The following RALGAPA2 variants were observed in gnomAD, a reference collection of about 807,000 sequenced individuals.
RALGAPA2 encodes Ral GTPase activating protein catalytic subunit alpha 2.
In RALGAPA2, 139 loss-of-function variants were observed where a neutral mutation model predicts 230.4. The observed-to-expected ratio is 0.60, with a 90% CI of 0.53 to 0.69. RALGAPA2 has a LOEUF of 0.69. Ranked by LOEUF, RALGAPA2 falls within the 30% of genes least tolerant of loss-of-function variation. The pLI is 0.00. For synonymous variants in RALGAPA2, 847 were observed against 837.8 expected (o/e 1.01, Z -0.19); for missense variants, 2,163 against 2,276.0 (o/e 0.95, Z 1.01).
rs774778703 is a variant in RALGAPA2, at chr20:20,524,447, G to T, written c.3859C>A (p.Gln1287Lys). 2 of 1,613,866 alleles carry T rather than the reference G, an allele frequency of 1.2e-6. No homozygotes were observed. The highest frequency in any genetic ancestry group is 2.2e-5 in the South Asian group (2 of 91,056). Residue 1287 changes from glutamine (Q) to lysine (K), a missense_variant, in exon 30 of 40, where the codon CAG becomes AAG. Transcript: ENST00000202677. The part of the protein sequence containing the change: ...HPVSTAVLEE[Q>K]HSARAPLLDY... ...AGCAAGGGGGCTCTGGCCGAATGCT[G>T]CTCCTCTAGGACTGCTGTGGACACG...
chr20:20,477,807 C>T (rs1276721682), intron 36 of RALGAPA2, among the ~76,000 whole-genome samples: 7 of 152,092 alleles, frequency 4.6e-5, no homozygotes, highest in Admixed American at 4.6e-4. Context: ...TGGCTGGTCT[C>T]GACTTCCTGG....
At chr20:20,470,724 C>A (rs1226636386) in intron 37 of RALGAPA2, among the ~76,000 whole-genome samples, 1 of 152,184 alleles carries the variant, frequency 6.6e-6, no homozygotes, top group Admixed American at 6.5e-5. Context: ...TGCAATCTCT[C>A]AACTTGTCAT....
At chr20:20,640,326 T>C (rs1366457401) in intron 6 of RALGAPA2, among the ~76,000 whole-genome samples, 1 of 152,194 alleles carries the variant, frequency 6.6e-6, no homozygotes, top group Non-Finnish European at 1.5e-5. Flanking sequence ...GGTGAGCAGA[T>C]GAATGTCCAC....
In RALGAPA2 at chr20:20,397,626, T is replaced by A. The variant is rs555833840; in HGVS notation, c.5618-892A>T. ...GTGACGTGGACCATTGTCTGCACAG[T>A]CACAGTTGTAAACGTGGATTTTCTG... is the stretch of plus-strand genomic sequence containing the variant. On this transcript the variant is annotated intron_variant, in intron 38 of 39. Coordinates refer to ENST00000202677, the MANE Select transcript of RALGAPA2 (RefSeq NM_020343.4). Among the ~76,000 whole-genome samples, 4 of 152,330 alleles carry A rather than the reference T, an allele frequency of 2.6e-5. No homozygotes were observed. In the East Asian group the frequency reaches 7.7e-4, roughly 29 times the overall value.
intron 27 of RALGAPA2, among the ~76,000 whole-genome samples, chr20:20,529,288 G>A (rs527327341): frequency 1.8e-4 from 28 of 152,286 alleles, no homozygotes; most frequent in African/African-American, 6.5e-4. Context: ...CCAGAGGGGG[G>A]AGGATTCAAC....
At chr20:20,635,169 C>T (rs1291087651) in intron 9 of RALGAPA2, among the ~76,000 whole-genome samples, 1 of 152,152 alleles carries the variant, frequency 6.6e-6, no homozygotes, top group Non-Finnish European at 1.5e-5. Context: ...GTGCACACAA[C>T]AGCTATCTTC....
intron 35 of RALGAPA2, among the ~76,000 whole-genome samples, chr20:20,495,705 TA>T (rs1331635572): frequency 6.6e-6 from 1 of 152,174 alleles, no homozygotes; most frequent in Non-Finnish European, 1.5e-5. Context: ...AATATGAACA[TA>T]AGAGAACATA....
chr20:20,581,493 T>G (rs1308671799), intron 20 of RALGAPA2, among the ~76,000 whole-genome samples: 3 of 152,164 alleles, frequency 2.0e-5, no homozygotes, highest in Non-Finnish European at 1.5e-5. Context: ...TCAAAACATT[T>G]TGGAAGCCAG....
intron 26 of RALGAPA2, among the ~76,000 whole-genome samples, chr20:20,533,066 A>G (rs540326723): frequency 6.6e-6 from 1 of 151,810 alleles, no homozygotes; most frequent in Admixed American, 6.6e-5. Context: ...AGAAAGAAAA[A>G]TGGGATGGGG....
chr20:20,439,483 G>T (rs945901537), intron 37 of RALGAPA2, among the ~76,000 whole-genome samples: 2 of 152,182 alleles, frequency 1.3e-5, no homozygotes, highest in African/African-American at 2.4e-5. Context: ...CAAGTGATGG[G>T]ATTATAGGTG....
chr20:20,636,121 CTTTA>C (rs1230643926), intron 8 of RALGAPA2, among the ~76,000 whole-genome samples: 4 of 152,108 alleles, frequency 2.6e-5, no homozygotes, highest in Admixed American at 1.3e-4. Context: ...ATATCATCTA[CTTTA>C]TATTTAAAAG....
intron 1 of RALGAPA2, among the ~76,000 whole-genome samples, chr20:20,692,467 G>A (rs2068946822): frequency 6.6e-6 from 1 of 151,996 alleles, no homozygotes; most frequent in South Asian, 2.1e-4. Flanking sequence ...CTTCCTAATA[G>A]AGCCTCCATT....
intron 37 of RALGAPA2, among the ~76,000 whole-genome samples, chr20:20,467,489 T>C (rs2061444191): frequency 6.6e-6 from 1 of 152,240 alleles, no homozygotes; most frequent in Admixed American, 6.5e-5. Flanking sequence ...AAAATATTTC[T>C]TGTGGTTCTG....
intron 1 of RALGAPA2, among the ~76,000 whole-genome samples, chr20:20,700,592 T>C (rs565639163): frequency 1.7e-4 from 26 of 152,350 alleles, no homozygotes; most frequent in Non-Finnish European, 3.5e-4. Context: ...TTTGTTCTCA[T>C]GAAAGACTAT....
At chr20:20,703,372 C>G (rs1414437179) in intron 1 of RALGAPA2, among the ~76,000 whole-genome samples, 3 of 152,176 alleles carry the variant, frequency 2.0e-5, no homozygotes, top group Non-Finnish European at 4.4e-5. Flanking sequence ...CATAATCTCT[C>G]TAAAATTCCT....
At chr20:20,598,081 T>C (rs1276265128) in intron 16 of RALGAPA2, among the ~76,000 whole-genome samples, 1 of 152,192 alleles carries the variant, frequency 6.6e-6, no homozygotes, top group Non-Finnish European at 1.5e-5. Context: ...AAAAATGTAC[T>C]GTGTGTAAAT....
At chr20:20,682,731 G>A (rs909715673) in intron 1 of RALGAPA2, among the ~76,000 whole-genome samples, 3 of 152,136 alleles carry the variant, frequency 2.0e-5, no homozygotes, top group Non-Finnish European at 2.9e-5. Flanking sequence ...CATGCATCTA[G>A]CACAATATTT....
intron 3 of RALGAPA2, among the ~76,000 whole-genome samples, chr20:20,667,972 G>A (rs1307378613): frequency 6.6e-6 from 1 of 152,062 alleles, no homozygotes; most frequent in East Asian, 1.9e-4. Context: ...AGGGCACTCT[G>A]GTAATAAGAA....
intron 18 of RALGAPA2, 56 bp downstream of exon 18, chr20:20,589,212 G>A (rs1176320502): frequency 4.7e-6 from 7 of 1,499,148 alleles, no homozygotes; most frequent in Non-Finnish European, 5.3e-6. Context: ...TACTTACTGA[G>A]CACTAATTAA....
Sources: allele counts gnomAD v4.1 joint callset (sites outside exome capture counted in the v4.1 genomes callset), GRCh38; gene constraint gnomAD v4.1.1; transcripts MANE v1.5; gene names NCBI Gene and HGNC (gene_info 2026-07-23, HGNC 2026-07-21).